CELF6: variants seen among roughly 807,000 people sequenced by gnomAD.
CELF6 encodes the protein Bruno -like 6, RNA binding protein.
Under a neutral mutation model 53.1 loss-of-function variants are expected in CELF6, and 32 were observed. The ratio of observed to expected loss-of-function variants is 0.60; its 90% CI spans 0.46 to 0.81. The LOEUF (loss-of-function observed/expected upper bound fraction) is 0.81, where lower values mean the gene tolerates loss of function less well. CELF6 is among the 30% of genes least tolerant of loss of function. The probability of loss-of-function intolerance (pLI) is 0.00; values close to 1 mark genes in which losing one functional copy is unlikely to be tolerated. For synonymous variants in CELF6, 291 were observed against 288.8 expected (o/e 1.01, Z -0.08); for missense variants, 539 against 669.5 (o/e 0.81, Z 2.15).
At chr15:72,308,227 T>TTG (rs370322570) in intron 2 of CELF6, among the ~76,000 whole-genome samples, 15 of 151,940 alleles carry the variant, frequency 9.9e-5, no homozygotes, top group African/African-American at 3.2e-4. Flanking sequence ...TATTGTTTTT[T>TTG]TTTGTTTGTT....
intron 2 of CELF6, chr15:72,306,282 C>T (rs1194156931): frequency 1.3e-5 from 13 of 985,098 alleles, no homozygotes; most frequent in East Asian, 2.3e-4. Context: ...GGAAAAACAG[C>T]GGCCTTCCCG....
chr15:72,317,957 A>G (rs1377366894), intron 1 of CELF6, among the ~76,000 whole-genome samples: 1 of 152,144 alleles, frequency 6.6e-6, no homozygotes, highest in Non-Finnish European at 1.5e-5. Flanking sequence ...GCAGAATTAG[A>G]GCTAAATGAA....
chr15:72,299,843 T>C (rs2088129244), intron 3 of CELF6, among the ~76,000 whole-genome samples: 1 of 152,180 alleles, frequency 6.6e-6, no homozygotes, highest in Admixed American at 6.5e-5. Flanking sequence ...ACAGAATTTA[T>C]GCAAACTCAC....
chr15:72,286,693 G>T (rs2087926848), intron 12 of CELF6, among the ~76,000 whole-genome samples: 1 of 152,156 alleles, frequency 6.6e-6, no homozygotes, highest in East Asian at 1.9e-4. Flanking sequence ...GAAGAACTTG[G>T]CCCATCTTTC....
At chr15:72,310,979 G>A (rs2088286853) in intron 2 of CELF6, among the ~76,000 whole-genome samples, 1 of 152,086 alleles carries the variant, frequency 6.6e-6, no homozygotes, top group South Asian at 2.1e-4. Context: ...ATCTTTGCTA[G>A]ACACCTTCCC....
chr15:72,304,700 C>G (rs1377418038), intron 3 of CELF6, 46 bp downstream of exon 3: 9 of 1,581,854 alleles, frequency 5.7e-6, no homozygotes, highest in Non-Finnish European at 7.8e-6. Flanking sequence ...GGCCCACCCT[C>G]CCTTACACGG....
chr15:72,317,884 A>C (rs574261111), intron 1 of CELF6, among the ~76,000 whole-genome samples: 186 of 152,298 alleles, frequency 1.2e-3, no homozygotes, highest in African/African-American at 4.4e-3. Context: ...TAGAGGGTGG[A>C]AGAATGAAGG....
Position 72,288,595 on chromosome 15 carries a change from G to A in CELF6, c.1117C>T (p.Pro373Ser), listed in dbSNP as rs1595773625. The part of the protein sequence containing the change: ...YAAAYPSAYA[P>S]VSTAFPQQPS... ...TGCTGGGGAAAAGCTGTGCTCACTG[G>A]GGCATAGGCCGACGGATAGGCTGCT... The change falls in exon 10 of 13, where the codon CCA (proline) becomes TCA (serine). Residue 373 changes from proline to serine, a missense_variant. Physicochemically the swap from Pro to Ser is moderately conservative, Grantham distance 74 (BLOSUM62 -1). Transcript: ENST00000287202. The surrounding 1 kb of genome is among the most constrained non-coding windows in gnomAD (Gnocchi z 4.6). 1 of 1,571,204 alleles carries A rather than the reference G, an allele frequency of 6.4e-7. No individual in the cohort carries two copies. The highest frequency in any genetic ancestry group is 8.6e-7 in the Non-Finnish European group (1 of 1,158,256).
chr15:72,319,646 C>T lies in CELF6; in HGVS notation c.229G>A (p.Val77Met), dbSNP rs1331797904. Residue 77 changes from valine (V) to methionine (M), a missense_variant, in exon 1 of 13, where the codon GTG becomes ATG. Physicochemically the swap from Val to Met is conservative, Grantham distance 21. This residue lies in a region of CELF6 where 97 missense variants were observed against 168.8 expected (regional missense o/e 0.57). Coordinates refer to ENST00000287202, the MANE Select transcript of CELF6 (RefSeq NM_052840.5). This position sits in a 1 kb window ranked among gnomAD's most constrained non-coding sequence, Gnocchi z 5.0. ...AGGCCGGTGAGCCGGTCCTTCAGCA[C>T]CGTCAGCTCGTAGATGCGGCCGAAC... Reference protein sequence around the residue: ...EEFGRIYELTVLKDRLTGLHK... With the variant: ...EEFGRIYELTMLKDRLTGLHK... 1.3e-6 allele frequency: 2 copies of T among 1,570,310 alleles called. No homozygotes were observed. The highest frequency in any genetic ancestry group is 1.7e-6 in the Non-Finnish European group (2 of 1,156,806).
chr15:72,285,519 A>C lies in CELF6; in HGVS notation c.*852T>G, dbSNP rs2087910178. 1 of 152,260 alleles carries C rather than the reference A, an allele frequency of 6.6e-6. No homozygotes were observed. The highest frequency in any genetic ancestry group is 2.1e-4 in the South Asian group (1 of 4,836). The allele number at this position is 152,260 out of a possible 1,614,324, so 9.4% of individuals were successfully genotyped here. ...AGGGCCTCTGTCTACCTGGATTGGC[A>C]AGGGAAAGGCTCAGGTGGCCAGAAC... On this transcript the variant is annotated 3_prime_UTR_variant, in exon 13 of 13. Coordinates refer to ENST00000287202, the MANE Select transcript of CELF6 (RefSeq NM_052840.5).
intron 2 of CELF6, among the ~76,000 whole-genome samples, chr15:72,310,011 G>A (rs2088275602): frequency 6.6e-6 from 1 of 152,130 alleles, no homozygotes; most frequent in Non-Finnish European, 1.5e-5. Flanking sequence ...ACAGGGCCCT[G>A]GACCTTCTGC....
chr15:72,307,236 C>T (rs1216244334), intron 2 of CELF6, among the ~76,000 whole-genome samples: 1 of 152,074 alleles, frequency 6.6e-6, no homozygotes, highest in Admixed American at 6.5e-5. Context: ...GGGGACGCCA[C>T]CTTCTCTCCT....
chr15:72,305,869 TGC>T (rs973319394), intron 2 of CELF6, among the ~76,000 whole-genome samples: 2 of 151,214 alleles, frequency 1.3e-5, no homozygotes, highest in Non-Finnish European at 1.5e-5. Flanking sequence ...TTTTTTTTTT[TGC>T]CCCAACCTGA....
chr15:72,301,734 A>ATT (rs34705032), intron 3 of CELF6, among the ~76,000 whole-genome samples: 5,650 of 125,842 alleles, frequency 0.045, 338 homozygotes, highest in Non-Finnish European at 0.066. Context: ...TAAAAAGTTG[A>ATT]TTTTTTTTTT....
chr15:72,289,594 G>T lies in CELF6; in HGVS notation c.747+33C>A. ...AGCCCCAGGCCTGGCCCACCCACCT[G>T]CGCGCCCTCGCACGCAGGTGCCCGG... On this transcript the variant is annotated intron_variant, in intron 6 of 12. Transcript: ENST00000287202. This position sits in a 1 kb window ranked among gnomAD's most constrained non-coding sequence, Gnocchi z 7.6. 1 of 1,477,114 alleles carries T rather than the reference G, an allele frequency of 6.8e-7. No individual in the cohort carries two copies. Among genetic ancestry groups the T allele is most frequent in the Non-Finnish European group, 8.9e-7 (1 of 1,121,606 alleles). The allele number at this position is 1,477,114 out of a possible 1,614,324, so 91.5% of individuals were successfully genotyped here. A position where few individuals can be genotyped will look rare whatever the true frequency, so the allele number is the denominator to read the frequency against.
chr15:72,286,510 C>T (rs954753984), intron 12 of CELF6, among the ~76,000 whole-genome samples, 168 bp from the exon 13 acceptor site: 5 of 152,174 alleles, frequency 3.3e-5, no homozygotes, highest in African/African-American at 4.8e-5. Context: ...GCAGCAGCCC[C>T]GTCCACTGAA....
At chr15:72,299,392 C>T (rs1332369567) in intron 3 of CELF6, among the ~76,000 whole-genome samples, 3 of 145,128 alleles carry the variant, frequency 2.1e-5, no homozygotes, top group Non-Finnish European at 4.5e-5. Flanking sequence ...TGGAATCTCG[C>T]TCTGTTGTTC....
Position 72,288,928 on chromosome 15 carries a change from G to T in CELF6, c.1033C>A (p.Gln345Lys). 6.5e-7 allele frequency: 1 copy of T among 1,550,362 alleles called. No individual in the cohort carries two copies. The highest frequency in any genetic ancestry group is 8.7e-7 in the Non-Finnish European group (1 of 1,146,784). The change falls in exon 9 of 13, where the codon CAG becomes AAG. Residue 345 changes from glutamine to lysine, a missense_variant and splice_region_variant. Transcript: ENST00000287202. This position sits in a 1 kb window ranked among gnomAD's most constrained non-coding sequence, Gnocchi z 4.6. Reference protein sequence around the residue: ...YNNGLSPYPAQSPGVADPLQQ... With the variant: ...YNNGLSPYPAKSPGVADPLQQ... The stretch of plus-strand genomic sequence containing the variant: ...AGGGGGTCAGCCACGCCGGGGCTCT[G>T]GGCTGGGGAGAGAGGGGCGCGAGGC...
At position 72,301,433 on chromosome 15, in the gene CELF6, T is replaced by G. The variant is rs947045064; in HGVS notation, c.394+3313A>C. On this transcript the variant is annotated intron_variant, in intron 3 of 12. Coordinates refer to ENST00000287202, the MANE Select transcript of CELF6 (RefSeq NM_052840.5). ...CCCTTCCAGAAGAAACTGGAAGGTT[T>G]TGGAAGAATATGTTGGCCTTGATAT... Among the ~76,000 whole-genome samples the G allele has an allele frequency of 3.9e-5, 6 of 152,308 alleles. No individual in the cohort carries two copies. The East Asian group carries it at 1.2e-3, about 29-fold the overall frequency.
Sources: allele counts gnomAD v4.1 joint callset (sites outside exome capture counted in the v4.1 genomes callset), GRCh38; gene constraint gnomAD v4.1.1; regional missense constraint gnomAD v4.1.1; non-coding constraint Gnocchi (gnomAD v3.1); transcripts MANE v1.5; gene names NCBI Gene and HGNC (gene_info 2026-07-23, HGNC 2026-07-21).